PHACTR1: variants seen among roughly 807,000 people sequenced by gnomAD.
The protein encoded by PHACTR1 is phosphatase and actin regulator 1, also known as RPEL repeat containing 1.
A neutral mutation model predicts 69.2 loss-of-function variants in PHACTR1; 16 were observed. The observed-to-expected ratio is 0.23, with a 90% CI of 0.16 to 0.35. The LOEUF is 0.35. Among genes scored for constraint, PHACTR1 ranks in the 10% least tolerant of loss-of-function variants. The pLI is 1.00. For missense variants in PHACTR1, 510 were observed against 734.7 expected, an observed-to-expected ratio of 0.69 and a Z score of 3.54; for synonymous variants, 312 against 284.5, an observed-to-expected ratio of 1.10 and a Z score of -0.97.
intron 4 of PHACTR1, among the ~76,000 whole-genome samples, chr6:12,986,798 G>T (rs1733905930): frequency 6.6e-6 from 1 of 152,124 alleles, no homozygotes. Context: ...AGCAGTCCTT[G>T]ATCCATCAGT....
intron 5 of PHACTR1, among the ~76,000 whole-genome samples, chr6:13,060,331 A>C (rs999629563): frequency 2.0e-5 from 3 of 152,252 alleles, no homozygotes; most frequent in East Asian, 3.9e-4. Context: ...ATTTTTGAGA[A>C]GTTTAGCAGC....
intron 3 of PHACTR1, among the ~76,000 whole-genome samples, chr6:12,719,895 C>T (rs1561813690): frequency 6.6e-6 from 1 of 152,186 alleles, no homozygotes; most frequent in Non-Finnish European, 1.5e-5. Context: ...GAGCATGACC[C>T]AGTCTTCTTA....
intron 4 of PHACTR1, among the ~76,000 whole-genome samples, chr6:12,842,563 G>A (rs1211528699): frequency 2.6e-5 from 4 of 151,964 alleles, no homozygotes; most frequent in East Asian, 1.9e-4. Flanking sequence ...TTTGAGACAC[G>A]GTCTCAATCT....
intron 7 of PHACTR1, among the ~76,000 whole-genome samples, chr6:13,199,056 C>T (rs1357787199): frequency 2.6e-5 from 4 of 152,200 alleles, no homozygotes; most frequent in Non-Finnish European, 2.9e-5. Flanking sequence ...ATCTGCCTCT[C>T]CCAAGCTTCC....
intron 5 of PHACTR1, among the ~76,000 whole-genome samples, chr6:13,137,241 C>G (rs1223520): frequency 0.19 from 28,396 of 152,194 alleles, 3,107 homozygotes; most frequent in South Asian, 0.41. Flanking sequence ...ATGCAAGGAT[C>G]TTTTCAAAGC....
chr6:13,167,620 G>T (rs1352344738), intron 6 of PHACTR1, among the ~76,000 whole-genome samples: 3 of 152,192 alleles, frequency 2.0e-5, no homozygotes, highest in Non-Finnish European at 2.9e-5. Flanking sequence ...AGGAGGGCAT[G>T]TATCCTGCAA....
At chr6:13,089,156 C>T (rs1469520632) in intron 5 of PHACTR1, among the ~76,000 whole-genome samples, 1 of 152,200 alleles carries the variant, frequency 6.6e-6, no homozygotes, top group Non-Finnish European at 1.5e-5. Context: ...TCCCCCTTAG[C>T]TCTTGGTTTG....
At chr6:12,794,771 G>T (rs1473045104) in intron 4 of PHACTR1, among the ~76,000 whole-genome samples, 1 of 152,112 alleles carries the variant, frequency 6.6e-6, no homozygotes, top group Non-Finnish European at 1.5e-5. Context: ...TGTTTGTCTG[G>T]TGGCTGCCAT....
chr6:13,112,251 A>T (rs1169286859), intron 5 of PHACTR1, among the ~76,000 whole-genome samples: 1 of 152,184 alleles, frequency 6.6e-6, no homozygotes, highest in Non-Finnish European at 1.5e-5. Flanking sequence ...GTATATATGT[A>T]CCACATGTTT....
chr6:12,795,207 A>G (rs1194953738), intron 4 of PHACTR1, among the ~76,000 whole-genome samples: 2 of 151,268 alleles, frequency 1.3e-5, no homozygotes, highest in African/African-American at 4.8e-5. Flanking sequence ...TTACAAGATG[A>G]TATTTCCTAG....
At chr6:13,156,344 G>A (rs1052100764) in intron 5 of PHACTR1, among the ~76,000 whole-genome samples, 17 of 152,218 alleles carry the variant, frequency 1.1e-4, no homozygotes, top group African/African-American at 4.1e-4. Flanking sequence ...CTTTAACTTG[G>A]AAATTGGTGG....
chr6:12,719,304 G>A (rs964161128), intron 3 of PHACTR1, among the ~76,000 whole-genome samples: 9 of 152,208 alleles, frequency 5.9e-5, no homozygotes, highest in African/African-American at 1.7e-4. Flanking sequence ...GCTGAATTCA[G>A]TTACCGCCTC....
In PHACTR1 at chr6:13,062,309, C is replaced by G. The variant is rs141904606; in HGVS notation, c.415+8780C>G. On this transcript the variant is annotated intron_variant, in intron 5 of 14. Transcript: ENST00000332995. Reference sequence around the variant, plus strand: ...TCATTCTGCTATAGGTTCCACTTATCCTGAAATCCCCCAATCAAACAAGGA... The same window carrying G: ...TCATTCTGCTATAGGTTCCACTTATGCTGAAATCCCCCAATCAAACAAGGA... Among the ~76,000 whole-genome samples, 81 of 152,294 alleles carry G rather than the reference C, an allele frequency of 5.3e-4. No homozygotes were observed. The South Asian group carries it at 6.4e-3, about 12-fold the overall frequency.
At chr6:13,145,721 C>T (rs890151721) in intron 5 of PHACTR1, among the ~76,000 whole-genome samples, 3 of 152,182 alleles carry the variant, frequency 2.0e-5, no homozygotes. Flanking sequence ...CGTGAACACA[C>T]AGCAAGAAGG....
At chr6:12,852,679 T>C (rs1245590121) in intron 4 of PHACTR1, among the ~76,000 whole-genome samples, 1 of 152,186 alleles carries the variant, frequency 6.6e-6, no homozygotes, top group Non-Finnish European at 1.5e-5. Flanking sequence ...TGGAAAGCTT[T>C]CTGTGATATA....
chr6:13,117,759 T>TTCATCAG (rs1336904139), intron 5 of PHACTR1, among the ~76,000 whole-genome samples: 1 of 152,214 alleles, frequency 6.6e-6, no homozygotes, highest in Non-Finnish European at 1.5e-5. Context: ...CTACATTATG[T>TTCATCAG]TCATCAGTGA....
intron 4 of PHACTR1, among the ~76,000 whole-genome samples, chr6:12,829,964 A>AGAGAGAGAGAGAGAG (rs1777240400): frequency 1.0e-5 from 1 of 99,854 alleles, no homozygotes; most frequent in African/African-American, 4.4e-5. Context: ...TCAAGAAAGA[A>AGAGAGAGAGAGAGAG]AGAGAGAGAG....
intron 3 of PHACTR1, among the ~76,000 whole-genome samples, chr6:12,740,434 T>G (rs1215522392): frequency 6.6e-6 from 1 of 152,152 alleles, no homozygotes; most frequent in Non-Finnish European, 1.5e-5. Flanking sequence ...TTTAAAATTT[T>G]AGCCAGATTA....
intron 5 of PHACTR1, among the ~76,000 whole-genome samples, chr6:13,117,377 C>T (rs942626415): frequency 6.6e-6 from 1 of 152,056 alleles, no homozygotes; most frequent in Admixed American, 6.5e-5. Context: ...GGCTCTTTTT[C>T]AGTAGTGATG....
Sources: gnomAD v4.1 joint callset for allele counts (sites outside exome capture counted in the v4.1 genomes callset) on GRCh38, gnomAD v4.1.1 for gene constraint, MANE v1.5 for transcripts, NCBI Gene and HGNC (gene_info 2026-07-23, HGNC 2026-07-21) for gene names.